PIEZO2: variants seen among roughly 807,000 people sequenced by gnomAD.
PIEZO2 encodes piezo-type mechanosensitive ion channel component 2.
PIEZO2 carries 172 observed loss-of-function variants against 337.3 expected under a neutral mutation model. That is an observed-to-expected ratio of 0.51 (90% CI 0.45 to 0.58). PIEZO2 has a LOEUF of 0.58. Ranked by LOEUF, PIEZO2 falls within the 20% of genes least tolerant of loss-of-function variation. The pLI is 0.00. For missense variants in PIEZO2, 3,028 were observed against 3,391.3 expected (o/e 0.89, Z 2.66); for synonymous variants, 1,251 against 1,228.5 (o/e 1.02, Z -0.38).
chr18:11,107,659 C>T (rs7229178), intron 1 of PIEZO2, among the ~76,000 whole-genome samples: 23,271 of 152,170 alleles, frequency 0.15, 2,158 homozygotes, highest in African/African-American at 0.25. Context: ...GTTTGAAATG[C>T]TGGCCCTGCC....
rs570243639 is a variant in PIEZO2, at chr18:10,726,299, C to A, written c.5029+5108G>T. The A allele has an allele frequency of 3.7e-6, 4 of 1,074,934 alleles. No individual in the cohort carries two copies. The highest frequency in any genetic ancestry group is 2.1e-5 in the Admixed American group (1 of 47,476). The allele number at this position is 1,074,934 out of a possible 1,614,324, so 66.6% of individuals were successfully genotyped here. ...AATGGAAGCGTCGCGGCCAGAGCCC[C>A]GGCCAGGTGGAGCAGGTGGGTCCCC... On this transcript the variant is annotated intron_variant, in intron 36 of 55. Transcript: ENST00000674853. This position sits in a 1 kb window ranked among gnomAD's most constrained non-coding sequence, Gnocchi z 5.9.
At chr18:10,687,968 G>A (rs143710303) in intron 49 of PIEZO2, among the ~76,000 whole-genome samples, 2 of 152,232 alleles carry the variant, frequency 1.3e-5, no homozygotes, top group East Asian at 3.9e-4. Context: ...TAAAATGATT[G>A]TTTATTTTAT....
intron 1 of PIEZO2, among the ~76,000 whole-genome samples, chr18:11,090,055 G>C (rs1013027308): frequency 6.6e-6 from 1 of 152,212 alleles, no homozygotes; most frequent in African/African-American, 2.4e-5. Context: ...GGGTAGGAAG[G>C]GAGAGCAGGA....
chr18:11,059,128 A>G (rs2037841248), intron 2 of PIEZO2, among the ~76,000 whole-genome samples: 1 of 152,262 alleles, frequency 6.6e-6, no homozygotes, highest in Admixed American at 6.5e-5. Context: ...AAGAATTTTC[A>G]ACCCAGAATT....
At position 10,846,007 on chromosome 18, in the gene PIEZO2, C is replaced by A. The variant is rs1003206212; in HGVS notation, c.917+9346G>T. 6.6e-6 allele frequency among the ~76,000 whole-genome samples: 1 copy of A among 152,054 alleles called. No homozygotes were observed. The highest frequency in any genetic ancestry group is 1.5e-5 in the Non-Finnish European group (1 of 68,024). ...GGATGGATTGAGGCAGTGGGAGTGC[C>A]GTGGGTGTATGAAGATTGATGATGA... On this transcript the variant is annotated intron_variant, in intron 7 of 55. Transcript: ENST00000674853. This position sits in a 1 kb window ranked among gnomAD's most constrained non-coding sequence, Gnocchi z 4.1.
rs2298741 is a variant in PIEZO2, at chr18:10,713,206, A to G, written c.5423+1558T>C. Reference sequence around the variant, plus strand: ...AATATATGTATATATTTTACTGTGTATATATATCACAAAGATCTTTTCATA... The same window carrying G: ...AATATATGTATATATTTTACTGTGTGTATATATCACAAAGATCTTTTCATA... On this transcript the variant is annotated intron_variant, in intron 39 of 55. Transcript: ENST00000674853. This position sits in a 1 kb window ranked among gnomAD's most constrained non-coding sequence, Gnocchi z 4.5. Among the ~76,000 whole-genome samples, 13,454 of 152,190 alleles carry G rather than the reference A, an allele frequency of 0.088. 992 individuals carry two copies. The highest frequency in any genetic ancestry group is 0.21 in the East Asian group (1,099 of 5,164).
rs569222526 is a variant in PIEZO2 at position 10,830,741 on chromosome 18, C to A, written c.918-23467G>T. On this transcript the variant is annotated intron_variant, in intron 7 of 55. Transcript: ENST00000674853. The surrounding 1 kb of genome is among the most constrained non-coding windows in gnomAD (Gnocchi z 4.7). ...GGAAACAATTAGCAAAGTAAAGAGA[C>A]AATTCACAGAATGGGAAAAAATACT... Among the ~76,000 whole-genome samples the A allele has an allele frequency of 6.6e-6, 1 of 152,190 alleles. No individual in the cohort carries two copies. Among genetic ancestry groups the A allele is most frequent in the Admixed American group, 6.5e-5 (1 of 15,270 alleles).
At chr18:10,915,731 A>T (rs913701549) in intron 3 of PIEZO2, among the ~76,000 whole-genome samples, 4 of 152,124 alleles carry the variant, frequency 2.6e-5, no homozygotes, top group Non-Finnish European at 5.9e-5. Context: ...CCCAAGGCCA[A>T]TGTTCTTATT....
rs187324858 is a variant in PIEZO2, at chr18:10,722,644, C to A, written c.5030-4385G>T. Among the ~76,000 whole-genome samples, 387 of 152,152 alleles carry A rather than the reference C, an allele frequency of 2.5e-3. 2 individuals are homozygous for A. The highest frequency in any genetic ancestry group is 8.6e-3 in the African/African-American group (359 of 41,508). ...TAGACCACATATACCATAACTAAAT[C>A]AAAATATAAGTCTTGGGTTGGAAAA... On this transcript the variant is annotated intron_variant, in intron 36 of 55. Transcript: ENST00000674853.
intron 33 of PIEZO2, chr18:10,740,300 T>C (rs1211154708): frequency 6.6e-6 from 1 of 152,388 alleles, no homozygotes; most frequent in East Asian, 1.9e-4. Flanking sequence ...CACTGCATTC[T>C]ATGTGGCTAT....
intron 3 of PIEZO2, among the ~76,000 whole-genome samples, chr18:10,977,023 GTGTGTGTGTGTGTA>G (rs2034469097): frequency 6.6e-6 from 1 of 151,716 alleles, no homozygotes; most frequent in African/African-American, 2.4e-5. Flanking sequence ...GTGTGTGTGT[GTGTGTGTGTGTGTA>G]TGTAAGCTTG....
Position 10,720,082 on chromosome 18 carries a change from A to T in PIEZO2, c.5030-1823T>A, listed in dbSNP as rs1316922808. ...CGTGAAGTTTGAGGTAGGTATCTTA[A>T]ATCTTCATATTTTTAAAGTATAAGT... On this transcript the variant is annotated intron_variant, in intron 36 of 55. Transcript: ENST00000674853. Among the ~76,000 whole-genome samples, 10 of 148,740 alleles carry T rather than the reference A, an allele frequency of 6.7e-5. No homozygotes were observed. In the South Asian group the frequency reaches 1.3e-3, roughly 19 times the overall value.
chr18:10,804,345 T>C (rs774422522), intron 8 of PIEZO2, among the ~76,000 whole-genome samples: 2 of 152,168 alleles, frequency 1.3e-5, no homozygotes, highest in Non-Finnish European at 2.9e-5. Flanking sequence ...CGGTTAACCG[T>C]GTAAGCCAGC....
intron 5 of PIEZO2, among the ~76,000 whole-genome samples, chr18:10,865,808 T>A (rs1330300822): frequency 6.6e-6 from 1 of 152,142 alleles, no homozygotes; most frequent in African/African-American, 2.4e-5. Flanking sequence ...TTGGGATGGA[T>A]AGCATGAGGG....
At position 11,077,886 on chromosome 18, in the gene PIEZO2, G is replaced by T. The variant is rs955867415; in HGVS notation, c.65-11664C>A. ...TCATTTTTCATTTTCACAAACAAGAGAAATCAGTTTCAATCTTATTCAGTC... is the reference window on the plus strand; with the variant it reads ...TCATTTTTCATTTTCACAAACAAGATAAATCAGTTTCAATCTTATTCAGTC... On this transcript the variant is annotated intron_variant, in intron 1 of 55. Coordinates refer to ENST00000674853, the MANE Select transcript of PIEZO2 (RefSeq NM_001378183.1). The surrounding 1 kb of genome is among the most constrained non-coding windows in gnomAD (Gnocchi z 4.8). Among the ~76,000 whole-genome samples the T allele has an allele frequency of 6.6e-6, 1 of 152,108 alleles. No homozygotes were observed. The highest frequency in any genetic ancestry group is 2.4e-5 in the African/African-American group (1 of 41,414).
rs1027913166 is a variant in PIEZO2 at position 10,833,363 on chromosome 18, G to C, written c.917+21990C>G. On this transcript the variant is annotated intron_variant, in intron 7 of 55. Coordinates refer to ENST00000674853, the MANE Select transcript of PIEZO2 (RefSeq NM_001378183.1). This position sits in a 1 kb window ranked among gnomAD's most constrained non-coding sequence, Gnocchi z 4.7. ...TACTTCGGAGCCCACTGTGACACCT[G>C]CAGCCTCGCCCTCTCCTGTTGGAAT... Among the ~76,000 whole-genome samples the C allele has an allele frequency of 6.6e-6, 1 of 152,126 alleles. No homozygotes were observed. The highest frequency in any genetic ancestry group is 2.4e-5 in the African/African-American group (1 of 41,422).
At chr18:10,956,036 C>A (rs1348627272) in intron 3 of PIEZO2, among the ~76,000 whole-genome samples, 2 of 152,064 alleles carry the variant, frequency 1.3e-5, no homozygotes, top group Non-Finnish European at 2.9e-5. Context: ...CTGCTTAAGT[C>A]CAATTTCCAT....
At chr18:10,691,532 C>A in intron 47 of PIEZO2, 149 bp from the exon 48 acceptor site, 1 of 765,614 alleles carries the variant, frequency 1.3e-6, no homozygotes, top group East Asian at 2.9e-5. Flanking sequence ...TAGTGGATCA[C>A]TTCAAAGGCA....
chr18:10,879,428 C>T (rs753407711), intron 4 of PIEZO2, among the ~76,000 whole-genome samples: 7 of 113,176 alleles, frequency 6.2e-5, no homozygotes, highest in African/African-American at 1.1e-4. Context: ...CGGAGTCTTG[C>T]GCTGTTGCCC....
Sources: gnomAD v4.1 joint callset for allele counts (sites outside exome capture counted in the v4.1 genomes callset) on GRCh38, gnomAD v4.1.1 for gene constraint, Gnocchi (gnomAD v3.1) non-coding constraint, MANE v1.5 for transcripts, NCBI Gene and HGNC (gene_info 2026-07-23, HGNC 2026-07-21) for gene names.